THOC7: variants seen among roughly 807,000 people sequenced by gnomAD.
THOC7 encodes the protein THO complex subunit 7, also known as NIF3L1-binding protein 1.
In THOC7, 22 loss-of-function variants were observed where a neutral mutation model predicts 33.1. The observed-to-expected ratio is 0.66, with a 90% CI of 0.47 to 0.95. The LOEUF (loss-of-function observed/expected upper bound fraction) is 0.95, where lower values mean the gene tolerates loss of function less well. Ranked by LOEUF, THOC7 falls within the 40% of genes least tolerant of loss-of-function variation. The pLI is 0.00. For missense variants in THOC7, 184 were observed against 245.3 expected, an observed-to-expected ratio of 0.75 and a Z score of 1.67; for synonymous variants, 77 against 76.8, an observed-to-expected ratio of 1.00 and a Z score of -0.01.
intron 1 of THOC7, chr3:63,860,789 C>T (rs923078215): frequency 2.0e-5 from 3 of 152,092 alleles, no homozygotes; most frequent in African/African-American, 7.2e-5. Context: ...CAGTGAACTG[C>T]CTTAAATGTT....
chr3:63,846,145 CT>C (rs1559605965), intron 1 of THOC7: 1 of 428,286 alleles, frequency 2.3e-6, no homozygotes, highest in Admixed American at 2.6e-5. Flanking sequence ...GCCTCTCTCT[CT>C]CTTTCTTTGC....
At position 63,848,055 on chromosome 3, in the gene THOC7, T is replaced by C. The variant is rs140730990; in HGVS notation, c.20-8282A>G. Among the ~76,000 whole-genome samples the C allele has an allele frequency of 2.1e-4, 32 of 152,306 alleles. No homozygotes were observed. In the East Asian group the frequency reaches 5.8e-3, roughly 28 times the overall value. ...AAACAGACTCTTTGTACCAATAAGATACATCACATGACAGCAGACATTGAA... is the reference window on the plus strand; with the variant it reads ...AAACAGACTCTTTGTACCAATAAGACACATCACATGACAGCAGACATTGAA... On this transcript the variant is annotated intron_variant, in intron 1 of 7. Coordinates refer to ENST00000295899, the MANE Select transcript of THOC7 (RefSeq NM_025075.4).
chr3:63,852,583 G>T (rs941604131), intron 1 of THOC7, among the ~76,000 whole-genome samples: 1 of 152,184 alleles, frequency 6.6e-6, no homozygotes, highest in Non-Finnish European at 1.5e-5. Flanking sequence ...GAACACTAGG[G>T]AGGCTGGATG....
At chr3:63,863,840 GTT>G, upstream of THOC7, 1 of 1,222,112 alleles carries the variant, frequency 8.2e-7, no homozygotes, top group Non-Finnish European at 1.0e-6. Flanking sequence ...TGAGGCGGCG[GTT>G]GGCGGCGGCG....
intron 1 of THOC7, among the ~76,000 whole-genome samples, chr3:63,857,296 G>A (rs1702133738): frequency 1.3e-5 from 2 of 152,140 alleles, no homozygotes; most frequent in Non-Finnish European, 2.9e-5. Context: ...GGTTAACTGG[G>A]TGGTAAACTT....
chr3:63,851,000 A>C (rs527608873), intron 1 of THOC7, among the ~76,000 whole-genome samples: 20 of 152,214 alleles, frequency 1.3e-4, no homozygotes, highest in Non-Finnish European at 2.4e-4. Flanking sequence ...ATTGTAGAGC[A>C]GATTACTTTG....
chr3:63,839,359 A>T (rs73831959), intron 2 of THOC7, among the ~76,000 whole-genome samples: 4,358 of 152,260 alleles, frequency 0.029, 118 homozygotes, highest in African/African-American at 0.077. Flanking sequence ...CAAAGGAGAA[A>T]ATTCCATTTA....
chr3:63,845,110 G>T lies in THOC7; in HGVS notation c.20-5337C>A, dbSNP rs73831964. 1.7e-3 allele frequency: 1,177 copies of T among 685,552 alleles called. 8 individuals carry two copies. In the African/African-American group the frequency reaches 0.019, roughly 11 times the overall value. 42.5% of individuals were successfully genotyped at this position (685,552 alleles called of 1,614,324 possible). On this transcript the variant is annotated intron_variant, in intron 1 of 7. Transcript: ENST00000295899. ...GATGCTAACCTTCTTTTCTGGGGGT[G>T]GGGGGTACTATCTCCTTCATGTAGC...
intron 1 of THOC7, chr3:63,860,869 GT>G (rs1367411637): frequency 6.6e-6 from 1 of 152,150 alleles, no homozygotes; most frequent in East Asian, 1.9e-4. Context: ...AATATGGCTA[GT>G]AGGCAGAAGG....
At chr3:63,843,260 A>T (rs1378473693) in intron 1 of THOC7, among the ~76,000 whole-genome samples, 3 of 152,000 alleles carry the variant, frequency 2.0e-5, no homozygotes, top group Admixed American at 6.5e-5. Context: ...CTGGGATTAC[A>T]GGCATGTGCC....
intron 1 of THOC7, chr3:63,846,021 G>C (rs1398036500): frequency 9.9e-6 from 2 of 201,512 alleles, no homozygotes; most frequent in East Asian, 3.2e-4. Context: ...AAGCCTCAAA[G>C]AGACAGTCCT....
At chr3:63,846,493 C>CGAGACAG (rs1701900256) in intron 1 of THOC7, among the ~76,000 whole-genome samples, 1 of 152,098 alleles carries the variant, frequency 6.6e-6, no homozygotes, top group African/African-American at 2.4e-5. Context: ...CCACAACCTT[C>CGAGACAG]GTCTCCTGGG....
intron 5 of THOC7, 80 bp downstream of exon 5, chr3:63,836,221 C>A: frequency 1.5e-6 from 2 of 1,345,826 alleles, no homozygotes; most frequent in South Asian, 1.3e-5. Context: ...TTTATTTCTG[C>A]AAAAATGAAA....
chr3:63,835,117 C>A, intron 7 of THOC7, 37 bp downstream of exon 7: 1 of 1,601,428 alleles, frequency 6.2e-7, no homozygotes, highest in Non-Finnish European at 8.5e-7. Context: ...TTTAAAAAAT[C>A]TTCATAAGCA....
chr3:63,836,190 G>C (rs1701630343), intron 5 of THOC7, 111 bp downstream of exon 5: 1 of 957,268 alleles, frequency 1.0e-6, no homozygotes, highest in African/African-American at 1.7e-5. Flanking sequence ...TTGAATATCT[G>C]ACCCCTCCTT....
intron 1 of THOC7, among the ~76,000 whole-genome samples, chr3:63,854,291 C>T (rs1283916347): frequency 6.6e-6 from 1 of 152,214 alleles, no homozygotes; most frequent in African/African-American, 2.4e-5. Context: ...GTTCCTAACA[C>T]AAATGCCATG....
chr3:63,838,565 T>C, intron 2 of THOC7, 66 bp from the exon 3 acceptor site: 1 of 1,436,378 alleles, frequency 7.0e-7, no homozygotes, highest in Non-Finnish European at 9.4e-7. Context: ...ACTGTTATAA[T>C]GCAGACAAAT....
chr3:63,852,169 C>T (rs1452305289), intron 1 of THOC7, among the ~76,000 whole-genome samples: 2 of 152,176 alleles, frequency 1.3e-5, no homozygotes, highest in Non-Finnish European at 2.9e-5. Flanking sequence ...ATGCAGAATG[C>T]AAGTTGTTCT....
At chr3:63,838,111 C>G in intron 3 of THOC7, 49 bp from the exon 4 acceptor site, 1 of 1,481,106 alleles carries the variant, frequency 6.8e-7, no homozygotes, top group Middle Eastern at 1.8e-4. Flanking sequence ...ATCAATAATC[C>G]ATTTTTAATT....
Sources: gnomAD v4.1 joint callset for allele counts (sites outside exome capture counted in the v4.1 genomes callset) on GRCh38, gnomAD v4.1.1 for gene constraint, MANE v1.5 for transcripts, NCBI Gene and HGNC (gene_info 2026-07-23, HGNC 2026-07-21) for gene names.